Variants in LINGO1 observed in about 807,000 individuals in gnomAD.
The protein encoded by LINGO1 is leucine-rich repeat and immunoglobulin-like domain-containing nogo receptor-interacting protein 1.
Under a neutral mutation model 37.3 loss-of-function variants are expected in LINGO1, and 11 were observed. The observed-to-expected ratio is 0.29, with a 90% CI of 0.19 to 0.49. The LOEUF (loss-of-function observed/expected upper bound fraction) is 0.49, where lower values mean the gene tolerates loss of function less well. Ranked by LOEUF, LINGO1 falls within the 20% of genes least tolerant of loss-of-function variation. The pLI is 0.99. For missense variants in LINGO1, 585 were observed against 878.2 expected (o/e 0.67, Z 4.22); for synonymous variants, 387 against 403.0 (o/e 0.96, Z 0.48).
At chr15:77,744,606 T>A (rs758818522) in intron 1 of LINGO1, among the ~76,000 whole-genome samples, 12 of 152,244 alleles carry the variant, frequency 7.9e-5, no homozygotes, top group Non-Finnish European at 1.6e-4. Flanking sequence ...TCAGCATTAT[T>A]CTAAACTTTA....
chr15:77,667,190 C>G (rs997026968), intron 3 of LINGO1: 9 of 152,540 alleles, frequency 5.9e-5, no homozygotes, highest in African/African-American at 2.2e-4. Flanking sequence ...AGGTCAGCAC[C>G]AGCAGAGCTG....
chr15:77,806,120 T>C (rs536076200), intron 1 of LINGO1, among the ~76,000 whole-genome samples: 5 of 152,240 alleles, frequency 3.3e-5, no homozygotes, highest in African/African-American at 9.6e-5. Flanking sequence ...CGAAGCCTCA[T>C]TGCAAACAGC....
At chr15:77,636,797 C>A (rs530943796), upstream of LINGO1, among the ~76,000 whole-genome samples, 13 of 152,278 alleles carry the variant, frequency 8.5e-5, no homozygotes, top group African/African-American at 3.1e-4. Context: ...CAGAGACCCA[C>A]AGCCCTCCAT....
intron 1 of LINGO1, among the ~76,000 whole-genome samples, chr15:77,779,525 T>C (rs559785340): frequency 5.1e-4 from 78 of 152,160 alleles, no homozygotes; most frequent in African/African-American, 1.9e-3. Flanking sequence ...TGGGAGACAG[T>C]CACAGATCAT....
At chr15:77,800,238 G>A (rs1445284684) in intron 1 of LINGO1, among the ~76,000 whole-genome samples, 1 of 152,186 alleles carries the variant, frequency 6.6e-6, no homozygotes, top group African/African-American at 2.4e-5. Flanking sequence ...GGGCAAGGGG[G>A]GCACATTCCG....
intron 1 of LINGO1, chr15:77,820,185 T>A (rs1038379010): frequency 2.0e-5 from 3 of 152,104 alleles, no homozygotes; most frequent in Non-Finnish European, 1.5e-5. Flanking sequence ...GGCGCTAGGG[T>A]GGCGACGTCC....
intron 3 of LINGO1, chr15:77,660,251 G>T (rs943779332): frequency 3.3e-5 from 5 of 152,358 alleles, no homozygotes; most frequent in African/African-American, 4.8e-5. Flanking sequence ...TGTCCAGGGG[G>T]CCAGGCGGAG....
intron 1 of LINGO1, among the ~76,000 whole-genome samples, chr15:77,743,883 C>T (rs987966608): frequency 6.6e-6 from 1 of 152,060 alleles, no homozygotes; most frequent in African/African-American, 2.4e-5. Context: ...CCATGGTGAG[C>T]GCCAGAAGCC....
At chr15:77,793,753 G>C (rs936259382) in intron 2 of LINGO1, among the ~76,000 whole-genome samples, 1 of 152,174 alleles carries the variant, frequency 6.6e-6, no homozygotes, top group Non-Finnish European at 1.5e-5. Context: ...AATAATCTTG[G>C]TATGGGATTA....
rs185622350 is a variant in LINGO1 at position 77,801,075 on chromosome 15, A to C, written c.-457-5022T>G. Among the ~76,000 whole-genome samples, 646 of 152,296 alleles carry C rather than the reference A, an allele frequency of 4.2e-3. 2 individuals are homozygous for C. The highest frequency in any genetic ancestry group is 6.8e-3 in the Non-Finnish European group (461 of 68,034). On this transcript the variant is annotated intron_variant, in intron 1 of 5. Transcript: ENST00000562933. ...TCCCAGACCATTGGATGGAGGGGGA[A>C]TTGGCTCAACCTTTGGAAGGGTAAT... is the stretch of plus-strand genomic sequence containing the variant.
chr15:77,652,186 A>G (rs2074772192), intron 3 of LINGO1: 1 of 152,238 alleles, frequency 6.6e-6, no homozygotes, highest in African/African-American at 2.4e-5. Context: ...TGTGAATCAG[A>G]AAATCAATGG....
chr15:77,724,408 G>C (rs1309259685), intron 2 of LINGO1, among the ~76,000 whole-genome samples: 1 of 152,194 alleles, frequency 6.6e-6, no homozygotes, highest in Non-Finnish European at 1.5e-5. Context: ...CAAACGCGGG[G>C]ACTTATCAGG....
intron 1 of LINGO1, among the ~76,000 whole-genome samples, chr15:77,816,122 C>T (rs1242131354): frequency 6.6e-6 from 1 of 152,206 alleles, no homozygotes; most frequent in Non-Finnish European, 1.5e-5. Context: ...CTGAAACAGC[C>T]CCTTGCCACT....
At chr15:77,778,713 C>A (rs967166024) in intron 1 of LINGO1, among the ~76,000 whole-genome samples, 1 of 152,222 alleles carries the variant, frequency 6.6e-6, no homozygotes, top group Non-Finnish European at 1.5e-5. Context: ...ACAGACCAAG[C>A]CACCATCTCC....
At chr15:77,818,781 G>A (rs1410978917) in intron 1 of LINGO1, among the ~76,000 whole-genome samples, 1 of 151,986 alleles carries the variant, frequency 6.6e-6, no homozygotes, top group Non-Finnish European at 1.5e-5. Flanking sequence ...GCCCGGAGCG[G>A]CTCCAGCGCG....
chr15:77,769,510 C>T (rs2141399210), intron 1 of LINGO1, among the ~76,000 whole-genome samples: 1 of 152,294 alleles, frequency 6.6e-6, no homozygotes, highest in Non-Finnish European at 1.5e-5. Flanking sequence ...AGGCACGTTC[C>T]CATGGGAGGA....
intron 1 of LINGO1, among the ~76,000 whole-genome samples, chr15:77,802,194 CAT>C (rs1437732539): frequency 3.9e-5 from 6 of 151,924 alleles, no homozygotes; most frequent in African/African-American, 1.2e-4. Context: ...ATAGAGGGCA[CAT>C]GTGGGTCTGC....
chr15:77,698,511 G>C (rs1157980284), upstream of LINGO1, among the ~76,000 whole-genome samples: 10 of 152,266 alleles, frequency 6.6e-5, no homozygotes, highest in Admixed American at 4.6e-4. Context: ...TTGGGGAAGG[G>C]GCGGGGTCAC....
chr15:77,616,418 C>T (rs987032551), intron 1 of LINGO1, among the ~76,000 whole-genome samples: 2 of 152,212 alleles, frequency 1.3e-5, no homozygotes, highest in Non-Finnish European at 1.5e-5. Context: ...GCTTCTGAGG[C>T]TGCTGGGGGC....
Sources: gnomAD v4.1 joint callset for allele counts (sites outside exome capture counted in the v4.1 genomes callset) on GRCh38, gnomAD v4.1.1 for gene constraint, MANE v1.5 for transcripts, NCBI Gene and HGNC (gene_info 2026-07-23, HGNC 2026-07-21) for gene names.